Variants in QTMAN observed in about 807,000 individuals in gnomAD.
The protein encoded by QTMAN is queuosine-tRNA mannosyltransferase, also known as tRNA-queuosine alpha-mannosyltransferase.
chr2:144,181,007 T>A, the QTMAN span, among the ~76,000 whole-genome samples: 1 of 152,316 alleles, frequency 6.6e-6, no homozygotes, highest in East Asian at 1.9e-4. Context: ...TCATGAGCTA[T>A]ATTTATCATA....
At chr2:144,320,262 A>G in the QTMAN span, among the ~76,000 whole-genome samples, 2 of 152,190 alleles carry the variant, frequency 1.3e-5, no homozygotes, top group Non-Finnish European at 2.9e-5. Context: ...GGGTCCATAA[A>G]GACTAAAATA....
At chr2:144,159,393 A>G in the QTMAN span, among the ~76,000 whole-genome samples, 1 of 152,048 alleles carries the variant, frequency 6.6e-6, no homozygotes, top group Non-Finnish European at 1.5e-5. Context: ...TACTTGCAAC[A>G]TGGTAGGACA....
the QTMAN span, among the ~76,000 whole-genome samples, chr2:144,093,311 G>C: frequency 6.6e-6 from 1 of 152,194 alleles, no homozygotes; most frequent in Non-Finnish European, 1.5e-5. Flanking sequence ...GAATACACCT[G>C]CTGTGACATA....
At chr2:144,159,869 C>A in the QTMAN span, among the ~76,000 whole-genome samples, 1 of 151,984 alleles carries the variant, frequency 6.6e-6, no homozygotes, top group African/African-American at 2.4e-5. Flanking sequence ...TTGTAGAGGA[C>A]CTTGAATGCA....
chr2:144,175,668 T>A, the QTMAN span, among the ~76,000 whole-genome samples: 1 of 149,994 alleles, frequency 6.7e-6, no homozygotes, highest in South Asian at 2.1e-4. Context: ...TATATATATT[T>A]ACAGAGAGAG....
chr2:144,054,769 C>T, the QTMAN span, among the ~76,000 whole-genome samples: 54 of 152,264 alleles, frequency 3.5e-4, 1 homozygote, highest in South Asian at 0.011. Flanking sequence ...CCGAGATGCC[C>T]TCCAGAGACA....
chr2:144,291,774 C>T, the QTMAN span, among the ~76,000 whole-genome samples: 1 of 152,208 alleles, frequency 6.6e-6, no homozygotes, highest in Non-Finnish European at 1.5e-5. Flanking sequence ...ATATGCAAAC[C>T]CTTCTTTTCA....
At chr2:144,300,393 T>C in the QTMAN span, among the ~76,000 whole-genome samples, 6 of 152,302 alleles carry the variant, frequency 3.9e-5, no homozygotes, top group African/African-American at 1.4e-4. Flanking sequence ...TGCAAGCCAC[T>C]ATCCTATATC....
chr2:144,313,736 A>G, the QTMAN span, among the ~76,000 whole-genome samples: 2 of 152,020 alleles, frequency 1.3e-5, no homozygotes, highest in Admixed American at 6.5e-5. Flanking sequence ...TCTACTTATC[A>G]ATAATTTCAT....
the QTMAN span, among the ~76,000 whole-genome samples, chr2:144,031,130 T>C: frequency 6.6e-6 from 1 of 152,010 alleles, no homozygotes; most frequent in East Asian, 1.9e-4. Flanking sequence ...ACTATTGATG[T>C]CTAAAACCTA....
chr2:144,032,083 T>G, the QTMAN span, among the ~76,000 whole-genome samples: 1 of 151,976 alleles, frequency 6.6e-6, no homozygotes, highest in East Asian at 1.9e-4. Context: ...GCTCCGGGCC[T>G]GGGGGTATGA....
chr2:144,248,518 C>T, the QTMAN span, among the ~76,000 whole-genome samples: 8 of 152,204 alleles, frequency 5.3e-5, no homozygotes, highest in African/African-American at 1.9e-4. Flanking sequence ...ATTAACTCCT[C>T]CCTCCCAATG....
chr2:144,197,759 T>C, the QTMAN span, among the ~76,000 whole-genome samples: 1 of 152,194 alleles, frequency 6.6e-6, no homozygotes, highest in Non-Finnish European at 1.5e-5. Flanking sequence ...AGAATCTCAC[T>C]ATTTTTCTAT....
the QTMAN span, among the ~76,000 whole-genome samples, chr2:144,273,059 T>A: frequency 6.6e-6 from 1 of 152,142 alleles, no homozygotes; most frequent in African/African-American, 2.4e-5. Flanking sequence ...GAAATATACA[T>A]ACCTAATAAA....
At chr2:144,045,401 T>A in the QTMAN span, among the ~76,000 whole-genome samples, 2 of 152,222 alleles carry the variant, frequency 1.3e-5, no homozygotes, top group African/African-American at 2.4e-5. Context: ...AAATAACCTG[T>A]TTAACACCAC....
At chr2:144,067,972 G>A in the QTMAN span, among the ~76,000 whole-genome samples, 1 of 152,188 alleles carries the variant, frequency 6.6e-6, no homozygotes, top group African/African-American at 2.4e-5. Context: ...CATTAGGACA[G>A]TTCTTCTGGG....
At chr2:144,332,180 C>G in the QTMAN span, among the ~76,000 whole-genome samples, 4 of 166 alleles carry the variant, frequency 0.024, no homozygotes, top group Non-Finnish European at 0.038. Context: ...AATGCCACGG[C>G]GTGACGCCCC....
At chr2:144,098,348 A>T in the QTMAN span, among the ~76,000 whole-genome samples, 1 of 152,234 alleles carries the variant, frequency 6.6e-6, no homozygotes. Context: ...TAAAGTACAT[A>T]GAAGGACGCT....
chr2:144,195,164 A>G, the QTMAN span, among the ~76,000 whole-genome samples: 2 of 152,136 alleles, frequency 1.3e-5, no homozygotes, highest in Non-Finnish European at 2.9e-5. Flanking sequence ...GTTTATCATC[A>G]AAACTCACAA....
Sources: allele counts gnomAD v4.1 joint callset (sites outside exome capture counted in the v4.1 genomes callset), GRCh38; gene constraint gnomAD v4.1.1; transcripts MANE v1.5; gene names NCBI Gene and HGNC (gene_info 2026-07-23, HGNC 2026-07-21).